The following RNASET2 variants were observed in gnomAD, a reference collection of about 807,000 sequenced individuals.
RNASET2 encodes ribonuclease 6.
A neutral mutation model predicts 33.9 loss-of-function variants in RNASET2; 28 were observed. That is an observed-to-expected ratio of 0.83 (90% CI 0.61 to 1.13). RNASET2 has a LOEUF of 1.13. RNASET2 is among the 50% of genes most tolerant of loss of function. RNASET2 has a pLI of 0.00. For synonymous variants in RNASET2, 123 were observed against 121.0 expected (o/e 1.02, Z -0.11); for missense variants, 330 against 319.9 (o/e 1.03, Z -0.24).
At chr6:166,955,387 ACACACACGCG>A (rs1779134484) in intron 1 of RNASET2, 3 of 372,672 alleles carry the variant, frequency 8.0e-6, no homozygotes, top group African/African-American at 1.0e-4. Context: ...ACACGCACAC[ACACACACGCG>A]CACACACACA....
chr6:166,942,718 A>G (rs1206251569), intron 5 of RNASET2, among the ~76,000 whole-genome samples: 1 of 152,234 alleles, frequency 6.6e-6, no homozygotes, highest in Admixed American at 6.5e-5. Flanking sequence ...CTAGGATTAC[A>G]GGCACGAGCC....
At chr6:166,938,735 G>A (rs1296711423) in intron 6 of RNASET2, 160 bp downstream of exon 6, 1 of 773,318 alleles carries the variant, frequency 1.3e-6, no homozygotes, top group Admixed American at 1.7e-5. Context: ...GGTAGGCTCA[G>A]AACATTCCTC....
chr6:166,941,268 C>G (rs1382689641), intron 5 of RNASET2, among the ~76,000 whole-genome samples: 1 of 152,180 alleles, frequency 6.6e-6, no homozygotes, highest in African/African-American at 2.4e-5. Context: ...TGTGCCCACA[C>G]TGTTTTGATT....
chr6:166,937,694 T>C (rs1778601503), intron 6 of RNASET2, among the ~76,000 whole-genome samples: 1 of 152,236 alleles, frequency 6.6e-6, no homozygotes, highest in Admixed American at 6.5e-5. Flanking sequence ...TATCCATTTA[T>C]TTCACAGCAT....
intron 8 of RNASET2, among the ~76,000 whole-genome samples, chr6:166,930,762 G>C (rs956552957): frequency 7.3e-5 from 10 of 137,180 alleles, no homozygotes; most frequent in Non-Finnish European, 1.1e-4. Flanking sequence ...GCACACACAG[G>C]ACATGCACAC....
rs189339771 is a variant in RNASET2 at position 166,927,901 on chromosome 6, G to A, written c.*1687C>T. Among the ~76,000 whole-genome samples, 38 of 152,028 alleles carry A rather than the reference G, an allele frequency of 2.5e-4. No individual in the cohort carries two copies. The highest frequency in any genetic ancestry group is 8.4e-4 in the African/African-American group (35 of 41,440). On this transcript the variant is annotated 3_prime_UTR_variant, in exon 9 of 9. Coordinates refer to ENST00000508775, the MANE Select transcript of RNASET2 (RefSeq NM_003730.6). ...ATCAAAACACAAATCATCAGTTCCC[G>A]ACAGAAACAAATCCTGCCCTGCCAA...
At chr6:166,956,044 A>G (rs571796675) in intron 1 of RNASET2, 53 bp downstream of exon 1, 1 of 1,508,004 alleles carries the variant, frequency 6.6e-7, no homozygotes, top group South Asian at 1.2e-5. Context: ...CCCAGTGGAA[A>G]GCTCTAGGGC....
At chr6:166,938,281 C>T (rs576525776) in intron 6 of RNASET2, among the ~76,000 whole-genome samples, 2 of 152,266 alleles carry the variant, frequency 1.3e-5, no homozygotes, top group African/African-American at 4.8e-5. Context: ...AGGGCACACC[C>T]TGGCTCTCTA....
rs1301297159 is a variant in RNASET2 at position 166,925,720 on chromosome 6, A to G, written c.*3868T>C. 6.6e-6 allele frequency among the ~76,000 whole-genome samples: 1 copy of G among 152,258 alleles called. No homozygotes were observed. Among genetic ancestry groups the G allele is most frequent in the Non-Finnish European group, 1.5e-5 (1 of 68,048 alleles). Reference sequence around the variant, plus strand: ...TGGGCGTGGAGGCGCAGAGCCACCCAGGACTGCAAAAGAACTCTTAACGGC... The same window carrying G: ...TGGGCGTGGAGGCGCAGAGCCACCCGGGACTGCAAAAGAACTCTTAACGGC... On this transcript the variant is annotated 3_prime_UTR_variant, in exon 9 of 9. Transcript: ENST00000508775.
chr6:166,929,414 T>C lies in RNASET2; in HGVS notation c.*174A>G, dbSNP rs950373133. The C allele has an allele frequency of 2.8e-6, 2 of 715,772 alleles. No homozygotes were observed. The highest frequency in any genetic ancestry group is 3.5e-5 in the African/African-American group (2 of 56,844). 44.3% of individuals were successfully genotyped at this position (715,772 alleles called of 1,614,324 possible). A position where few individuals can be genotyped will look rare whatever the true frequency, so the allele number is the denominator to read the frequency against. On this transcript the variant is annotated 3_prime_UTR_variant, in exon 9 of 9. Coordinates refer to ENST00000508775, the MANE Select transcript of RNASET2 (RefSeq NM_003730.6). ...GCCACTCAGGCGTGGGAGAGCTCCT[T>C]TCTCCCCGTGTACGCCACATGCACT...
chr6:166,946,050 C>T (rs938172236), intron 4 of RNASET2, among the ~76,000 whole-genome samples: 1 of 152,102 alleles, frequency 6.6e-6, no homozygotes, highest in African/African-American at 2.4e-5. Flanking sequence ...ACTGTTGGCA[C>T]CCCTAAGGAA....
chr6:166,955,736 A>G lies in RNASET2; in HGVS notation c.86+361T>C. The G allele has an allele frequency of 6.1e-6, 7 of 1,151,032 alleles. No individual in the cohort carries two copies. In the South Asian group the frequency reaches 1.4e-4, roughly 23 times the overall value. The allele number at this position is 1,151,032 out of a possible 1,614,324, so 71.3% of individuals were successfully genotyped here. ...CCCGGGGAGTGTTCAGGGCTCCCCAACCCACTTCTTCCCAGGAGTCACCCC... is the reference window on the plus strand; with the variant it reads ...CCCGGGGAGTGTTCAGGGCTCCCCAGCCCACTTCTTCCCAGGAGTCACCCC... On this transcript the variant is annotated intron_variant, in intron 1 of 8. Coordinates refer to ENST00000508775, the MANE Select transcript of RNASET2 (RefSeq NM_003730.6).
chr6:166,942,969 C>T lies in RNASET2; in HGVS notation c.332+50G>A, dbSNP rs764633467. 16 of 1,475,862 alleles carry T rather than the reference C, an allele frequency of 1.1e-5. No homozygotes were observed. The South Asian group carries it at 1.8e-4, about 17-fold the overall frequency. The allele number at this position is 1,475,862 out of a possible 1,614,324, so 91.4% of individuals were successfully genotyped here. A position where few individuals can be genotyped will look rare whatever the true frequency, so the allele number is the denominator to read the frequency against. On this transcript the variant is annotated intron_variant, in intron 5 of 8. Coordinates refer to ENST00000508775, the MANE Select transcript of RNASET2 (RefSeq NM_003730.6). ...ACTTCTAGCGATTCATCACGCTCCC[C>T]ACACCCGCTCAGACAGTAATCAAGA... is the stretch of plus-strand genomic sequence containing the variant.
intron 6 of RNASET2, chr6:166,935,119 CA>C (rs1432421585): frequency 6.6e-6 from 1 of 152,096 alleles, no homozygotes; most frequent in Non-Finnish European, 1.5e-5. Flanking sequence ...GATGCCGGAC[CA>C]GGGTCCTTTC....
intron 8 of RNASET2, among the ~76,000 whole-genome samples, chr6:166,930,478 C>T (rs1300048348): frequency 6.6e-6 from 1 of 151,500 alleles, no homozygotes; most frequent in African/African-American, 2.4e-5. Flanking sequence ...CACACACACA[C>T]ACACGCACAT....
chr6:166,955,300 GCACACACGA>G (rs201507454), intron 1 of RNASET2, among the ~76,000 whole-genome samples: 4,377 of 53,094 alleles, frequency 0.082, 212 homozygotes, highest in Non-Finnish European at 0.096. Flanking sequence ...GCACAGACGC[GCACACACGA>G]CACACACGCA....
In RNASET2 at chr6:166,955,235, GCACGCACACA is replaced by G. The variant is rs1480344761; in HGVS notation, c.86+852_86+861del. Among the ~76,000 whole-genome samples, 459 of 93,436 alleles carry G rather than the reference GCACGCACACA, an allele frequency of 4.9e-3. 3 individuals carry two copies. Among genetic ancestry groups the G allele is most frequent in the Middle Eastern group, 6.6e-3 (1 of 152 alleles). 61.3% of individuals were successfully genotyped at this position (93,436 alleles called of 152,430 possible). ...CACGCACACACGCGCACACACGCAC[GCACGCACACA>G]CACGCACACACGCACACACACACAC... is the stretch of plus-strand genomic sequence containing the variant. On this transcript the variant is annotated intron_variant, in intron 1 of 8. Coordinates refer to ENST00000508775, the MANE Select transcript of RNASET2 (RefSeq NM_003730.6).
intron 6 of RNASET2, among the ~76,000 whole-genome samples, chr6:166,937,927 C>T (rs760394262): frequency 5.9e-5 from 9 of 152,150 alleles, no homozygotes; most frequent in Non-Finnish European, 1.0e-4. Flanking sequence ...TGTTAGACTG[C>T]GTTTCATCAG....
At chr6:166,940,793 C>T (rs1044644323) in intron 5 of RNASET2, among the ~76,000 whole-genome samples, 1 of 152,040 alleles carries the variant, frequency 6.6e-6, no homozygotes, top group Non-Finnish European at 1.5e-5. Flanking sequence ...AGTGACTCAG[C>T]GTGTTGCCCT....
Sources: allele counts gnomAD v4.1 joint callset (sites outside exome capture counted in the v4.1 genomes callset), GRCh38; gene constraint gnomAD v4.1.1; transcripts MANE v1.5; gene names NCBI Gene and HGNC (gene_info 2026-07-23, HGNC 2026-07-21).